The following LRRC4C variants were observed in gnomAD, a reference collection of about 807,000 sequenced individuals.
The protein encoded by LRRC4C is leucine rich repeat containing 4C.
LRRC4C carries 5 observed loss-of-function variants against 33.6 expected under a neutral mutation model. The ratio of observed to expected loss-of-function variants is 0.15; its 90% confidence interval spans 0.08 to 0.31. LRRC4C has a LOEUF of 0.31. Ranked by LOEUF, LRRC4C falls within the 10% of genes least tolerant of loss-of-function variation. LRRC4C has a pLI of 1.00. For missense variants in LRRC4C, 560 were observed against 796.7 expected, an observed-to-expected ratio of 0.70 and a Z score of 3.58; for synonymous variants, 329 against 302.0, an observed-to-expected ratio of 1.09 and a Z score of -0.93.
intron 1 of LRRC4C, among the ~76,000 whole-genome samples, chr11:41,001,283 G>A (rs1426078097): frequency 6.6e-6 from 1 of 152,088 alleles, no homozygotes; most frequent in Non-Finnish European, 1.5e-5. Context: ...CCTTTTCAGT[G>A]AAGGATTCCT....
chr11:41,175,145 T>G (rs1945143579), intron 1 of LRRC4C, among the ~76,000 whole-genome samples: 3 of 152,056 alleles, frequency 2.0e-5, no homozygotes. Context: ...CATCTGATAT[T>G]TGTAAAAAAT....
chr11:41,068,275 T>C (rs1041456273), intron 1 of LRRC4C, among the ~76,000 whole-genome samples: 5 of 151,872 alleles, frequency 3.3e-5, no homozygotes, highest in Non-Finnish European at 7.4e-5. Context: ...TTCCTATAAT[T>C]CCAGCTATTC....
At chr11:41,276,830 C>T (rs749749719) in intron 1 of LRRC4C, among the ~76,000 whole-genome samples, 5 of 152,092 alleles carry the variant, frequency 3.3e-5, no homozygotes, top group African/African-American at 9.7e-5. Context: ...AGCTAAGAAA[C>T]GCAGGCAGCC....
At chr11:41,154,552 T>C (rs1360364645) in intron 1 of LRRC4C, among the ~76,000 whole-genome samples, 7 of 152,160 alleles carry the variant, frequency 4.6e-5, no homozygotes, top group Admixed American at 4.6e-4. Flanking sequence ...AAAGATTCAA[T>C]AAAGTTTTTC....
chr11:40,825,566 A>C (rs929574829), intron 2 of LRRC4C, among the ~76,000 whole-genome samples: 22 of 152,140 alleles, frequency 1.4e-4, no homozygotes, highest in African/African-American at 5.3e-4. Flanking sequence ...TTAAATAATT[A>C]AGTGCTATCC....
chr11:41,102,680 T>C (rs969908786), intron 1 of LRRC4C, among the ~76,000 whole-genome samples: 6 of 152,044 alleles, frequency 3.9e-5, no homozygotes, highest in African/African-American at 9.7e-5. Context: ...ATTTCTCTCT[T>C]CCTCTCACAT....
intron 1 of LRRC4C, among the ~76,000 whole-genome samples, chr11:41,203,615 AG>A (rs548142152): frequency 2.3e-4 from 35 of 152,332 alleles, no homozygotes; most frequent in Admixed American, 8.5e-4. Context: ...AAGGTTCTGA[AG>A]CCAGATTGTC....
At chr11:41,331,479 A>G (rs1951292261) in intron 1 of LRRC4C, among the ~76,000 whole-genome samples, 1 of 152,212 alleles carries the variant, frequency 6.6e-6, no homozygotes, top group South Asian at 2.1e-4. Context: ...CACGCCAAGT[A>G]TTATTTTATT....
rs1318752255 is a variant in LRRC4C, at chr11:40,989,627, G to C, written c.-495-55904C>G. Among the ~76,000 whole-genome samples the C allele has an allele frequency of 2.0e-5, 3 of 152,024 alleles. No homozygotes were observed. The South Asian group carries it at 6.2e-4, about 32-fold the overall frequency. On this transcript the variant is annotated intron_variant, in intron 1 of 6. Coordinates refer to ENST00000528697, the MANE Select transcript of LRRC4C (RefSeq NM_001258419.2). ...GGCTTGAAGTTGATCTCACAATAAG[G>C]CTTACTATTTTTACTCAGTTGTTGT...
intron 3 of LRRC4C, among the ~76,000 whole-genome samples, chr11:40,525,977 C>T (rs994434645): frequency 2.0e-5 from 3 of 151,976 alleles, no homozygotes; most frequent in African/African-American, 4.8e-5. Flanking sequence ...TATTTCAGTA[C>T]TTCAGGGAAA....
At chr11:41,027,428 A>C (rs1015057864) in intron 1 of LRRC4C, among the ~76,000 whole-genome samples, 3 of 151,702 alleles carry the variant, frequency 2.0e-5, no homozygotes, top group African/African-American at 7.2e-5. Context: ...ATTAAAAAAC[A>C]ATCTAAAACT....
chr11:41,342,109 CTATTAA>C (rs1951660339), intron 1 of LRRC4C, among the ~76,000 whole-genome samples: 1 of 151,482 alleles, frequency 6.6e-6, no homozygotes, highest in African/African-American at 2.4e-5. Context: ...AACACAGTTA[CTATTAA>C]TATTAACACA....
intron 2 of LRRC4C, among the ~76,000 whole-genome samples, chr11:40,916,767 C>T (rs1200386288): frequency 2.0e-5 from 3 of 150,804 alleles, no homozygotes; most frequent in Non-Finnish European, 3.0e-5. Flanking sequence ...TCTAGTAAGA[C>T]ACAATGACTA....
At chr11:41,213,532 C>T (rs543366870) in intron 1 of LRRC4C, among the ~76,000 whole-genome samples, 16 of 152,256 alleles carry the variant, frequency 1.1e-4, no homozygotes, top group Middle Eastern at 3.4e-3. Context: ...ATCTTCTCTA[C>T]CACATAGTGA....
chr11:40,138,873 A>G (rs1857165804), intron 6 of LRRC4C, among the ~76,000 whole-genome samples: 1 of 152,248 alleles, frequency 6.6e-6, no homozygotes, highest in African/African-American at 2.4e-5. Flanking sequence ...ACAGCTGGAT[A>G]TGAATGTGGA....
intron 2 of LRRC4C, among the ~76,000 whole-genome samples, chr11:40,653,006 A>G (rs1281048974): frequency 2.0e-5 from 3 of 152,272 alleles, no homozygotes; most frequent in East Asian, 3.9e-4. Context: ...CTCTCCAGCC[A>G]CCCTGTGAAG....
chr11:41,206,028 C>A (rs1038265515), intron 1 of LRRC4C, among the ~76,000 whole-genome samples: 7 of 152,052 alleles, frequency 4.6e-5, no homozygotes, highest in Admixed American at 3.9e-4. Context: ...TCACCGTTAA[C>A]CCCCTTCAAC....
intron 1 of LRRC4C, among the ~76,000 whole-genome samples, chr11:41,095,600 A>G (rs1277735277): frequency 6.6e-6 from 1 of 152,074 alleles, no homozygotes; most frequent in Non-Finnish European, 1.5e-5. Flanking sequence ...TTCTTTTATG[A>G]TTTTCTTTCC....
chr11:41,143,083 T>TA (rs1472669552), intron 1 of LRRC4C, among the ~76,000 whole-genome samples: 1 of 151,932 alleles, frequency 6.6e-6, no homozygotes, highest in Non-Finnish European at 1.5e-5. Context: ...GGAGCTGGAG[T>TA]AAAAACTCTA....
Sources: allele counts gnomAD v4.1 joint callset (sites outside exome capture counted in the v4.1 genomes callset), GRCh38; gene constraint gnomAD v4.1.1; transcripts MANE v1.5; gene names NCBI Gene and HGNC (gene_info 2026-07-23, HGNC 2026-07-21).